The following SDK1 variants were observed in gnomAD, a reference collection of about 807,000 sequenced individuals.
The protein encoded by SDK1 is sidekick cell adhesion molecule 1, also known as protein sidekick-1.
A neutral mutation model predicts 245.5 loss-of-function variants in SDK1; 157 were observed. The ratio of observed to expected loss-of-function variants is 0.64; its 90% confidence interval spans 0.56 to 0.73. The LOEUF (loss-of-function observed/expected upper bound fraction) is 0.73. Ranked by LOEUF, SDK1 falls within the 30% of genes least tolerant of loss-of-function variation. The pLI, the probability that SDK1 is intolerant of heterozygous loss-of-function variation, is 0.00. For missense variants in SDK1, 3,583 were observed against 3,002.3 expected (o/e 1.19, Z -4.52); for synonymous variants, 1,647 against 1,278.5 (o/e 1.29, Z -6.15).
chr7:3,891,472 C>T (rs770767363), intron 5 of SDK1, among the ~76,000 whole-genome samples: 1 of 152,156 alleles, frequency 6.6e-6, no homozygotes, highest in Non-Finnish European at 1.5e-5. Flanking sequence ...TCAAATGCCA[C>T]GGTCTATGTT....
intron 43 of SDK1, among the ~76,000 whole-genome samples, chr7:4,244,600 T>A (rs1786725859): frequency 6.6e-6 from 1 of 152,200 alleles, no homozygotes; most frequent in East Asian, 1.9e-4. Flanking sequence ...GATCACAAGT[T>A]CAGCAGCTTA....
At chr7:4,104,140 G>A (rs891791500) in intron 22 of SDK1, among the ~76,000 whole-genome samples, 1 of 152,168 alleles carries the variant, frequency 6.6e-6, no homozygotes, top group African/African-American at 2.4e-5. Flanking sequence ...ACTCACTGCA[G>A]CCTAGACCCT....
chr7:4,092,132 A>G (rs13247783), intron 22 of SDK1, among the ~76,000 whole-genome samples: 54,373 of 151,924 alleles, frequency 0.36, 12,762 homozygotes, highest in African/African-American at 0.67. Context: ...TTCTTTAGCC[A>G]TAAAGCCCTA....
intron 14 of SDK1, among the ~76,000 whole-genome samples, chr7:4,001,804 T>C (rs901935091): frequency 6.6e-6 from 1 of 152,254 alleles, no homozygotes; most frequent in Non-Finnish European, 1.5e-5. Context: ...GAAGTCTTTG[T>C]CTGGCCTAAG....
intron 1 of SDK1, among the ~76,000 whole-genome samples, chr7:3,335,964 T>A (rs1284576246): frequency 2.0e-5 from 3 of 152,140 alleles, no homozygotes; most frequent in Non-Finnish European, 4.4e-5. Context: ...TCCTGGGGAC[T>A]TGAGAAATGA....
intron 4 of SDK1, among the ~76,000 whole-genome samples, chr7:3,659,405 T>C (rs969936823): frequency 2.6e-5 from 4 of 152,312 alleles, no homozygotes; most frequent in East Asian, 1.9e-4. Flanking sequence ...TCCACAGATA[T>C]AATATTTATA....
chr7:4,210,942 G>A (rs1784479709), intron 38 of SDK1, among the ~76,000 whole-genome samples: 1 of 152,198 alleles, frequency 6.6e-6, no homozygotes, highest in African/African-American at 2.4e-5. Flanking sequence ...CAAGAATCCT[G>A]GGGAAGATCT....
chr7:3,853,152 A>T (rs1430483779), intron 5 of SDK1, among the ~76,000 whole-genome samples: 3 of 152,158 alleles, frequency 2.0e-5, no homozygotes, highest in Non-Finnish European at 4.4e-5. Flanking sequence ...GGTTGAAAAA[A>T]AAAAATGTGC....
intron 4 of SDK1, among the ~76,000 whole-genome samples, chr7:3,760,475 T>G (rs560440840): frequency 1.3e-5 from 2 of 152,378 alleles, no homozygotes; most frequent in African/African-American, 4.8e-5. Flanking sequence ...TTGTTCATTT[T>G]ATTGCACAAA....
At chr7:3,971,432 AT>A (rs1782478728) in intron 11 of SDK1, 33 bp from the exon 12 acceptor site, 4 of 1,480,140 alleles carry the variant, frequency 2.7e-6, no homozygotes. Flanking sequence ...CAAACTTGTC[AT>A]TTCGTCTGAC....
chr7:4,088,145 G>T (rs762395652), intron 22 of SDK1, among the ~76,000 whole-genome samples: 6 of 152,160 alleles, frequency 3.9e-5, no homozygotes, highest in Non-Finnish European at 8.8e-5. Flanking sequence ...GCAAACCTCG[G>T]AAGTCTGTGG....
intron 4 of SDK1, among the ~76,000 whole-genome samples, chr7:3,726,558 T>C (rs928228820): frequency 6.6e-6 from 1 of 152,282 alleles, no homozygotes; most frequent in Non-Finnish European, 1.5e-5. Context: ...TTTTATCCAT[T>C]GCAAGGCAAT....
chr7:3,900,271 C>G (rs1781741990), intron 5 of SDK1, among the ~76,000 whole-genome samples: 1 of 152,056 alleles, frequency 6.6e-6, no homozygotes, highest in African/African-American at 2.4e-5. Flanking sequence ...AAGTGGTTCC[C>G]CTCAAATATT....
chr7:4,067,166 C>T (rs1389488868), intron 19 of SDK1, among the ~76,000 whole-genome samples: 2 of 152,218 alleles, frequency 1.3e-5, no homozygotes, highest in African/African-American at 4.8e-5. Flanking sequence ...GTGTAATTTC[C>T]TAGGCAGCAA....
At chr7:3,521,356 A>G (rs185044811) in intron 1 of SDK1, among the ~76,000 whole-genome samples, 1 of 152,334 alleles carries the variant, frequency 6.6e-6, no homozygotes, top group East Asian at 1.9e-4. Flanking sequence ...TAACAGATTC[A>G]TGGGTTCCAG....
chr7:3,977,866 G>C (rs555266618), intron 13 of SDK1, among the ~76,000 whole-genome samples: 2 of 152,222 alleles, frequency 1.3e-5, no homozygotes, highest in Non-Finnish European at 2.9e-5. Context: ...CTGCGTGCAT[G>C]CATGAAGGAA....
intron 5 of SDK1, among the ~76,000 whole-genome samples, chr7:3,929,127 T>C (rs962119689): frequency 1.3e-5 from 2 of 152,196 alleles, no homozygotes; most frequent in Admixed American, 6.5e-5. Flanking sequence ...TTACTATGGG[T>C]GGGAAACCAA....
At chr7:3,943,606 C>G (rs1175175144) in intron 5 of SDK1, among the ~76,000 whole-genome samples, 2 of 151,310 alleles carry the variant, frequency 1.3e-5, no homozygotes, top group Non-Finnish European at 1.5e-5. Flanking sequence ...CGACCGCTCC[C>G]CAACCCGGCG....
intron 1 of SDK1, among the ~76,000 whole-genome samples, chr7:3,540,035 AT>A (rs1779009445): frequency 6.6e-6 from 1 of 152,226 alleles, no homozygotes; most frequent in Non-Finnish European, 1.5e-5. Context: ...AATTTATGAT[AT>A]TTTGAGTCAC....
Sources: allele counts gnomAD v4.1 joint callset (sites outside exome capture counted in the v4.1 genomes callset), GRCh38; gene constraint gnomAD v4.1.1; transcripts MANE v1.5; gene names NCBI Gene and HGNC (gene_info 2026-07-23, HGNC 2026-07-21).